Variants in BMAL1 observed in about 807,000 individuals in gnomAD.
BMAL1 encodes the protein basic helix-loop-helix ARNT-like protein 1.
chr11:13,304,184 T>G, the BMAL1 span, among the ~76,000 whole-genome samples: 1 of 151,504 alleles, frequency 6.6e-6, no homozygotes, highest in South Asian at 2.1e-4. Flanking sequence ...GTGTTGAGAG[T>G]GGACTGAGGG....
At chr11:13,361,918 A>C in the BMAL1 span, among the ~76,000 whole-genome samples, 1 of 152,238 alleles carries the variant, frequency 6.6e-6, no homozygotes, top group African/African-American at 2.4e-5. Context: ...GAAAGGATAC[A>C]CCTTCCTGAA....
the BMAL1 span, among the ~76,000 whole-genome samples, chr11:13,366,096 T>A: frequency 6.6e-6 from 1 of 152,192 alleles, no homozygotes; most frequent in African/African-American, 2.4e-5. Context: ...TCCCCCAGAG[T>A]TTTTATTCAT....
the BMAL1 span, among the ~76,000 whole-genome samples, chr11:13,284,618 T>C: frequency 6.6e-6 from 1 of 151,388 alleles, no homozygotes; most frequent in Non-Finnish European, 1.5e-5. Flanking sequence ...TTGTCTTTTT[T>C]TTTTGGCGGG....
the BMAL1 span, among the ~76,000 whole-genome samples, chr11:13,315,127 C>T: frequency 6.6e-6 from 1 of 152,140 alleles, no homozygotes; most frequent in Non-Finnish European, 1.5e-5. Flanking sequence ...TTCTCAGCAC[C>T]GAGGTGTCCT....
the BMAL1 span, chr11:13,355,177 A>G: frequency 6.5e-7 from 1 of 1,530,356 alleles, no homozygotes; most frequent in Non-Finnish European, 9.0e-7. Context: ...AATGAGGGAA[A>G]ATCTCCGAGG....
the BMAL1 span, among the ~76,000 whole-genome samples, chr11:13,283,939 A>G: frequency 6.6e-6 from 1 of 150,878 alleles, no homozygotes; most frequent in Non-Finnish European, 1.5e-5. Flanking sequence ...AACATAACTC[A>G]CTAACCCCAC....
At chr11:13,279,893 A>T in the BMAL1 span, among the ~76,000 whole-genome samples, 1 of 152,262 alleles carries the variant, frequency 6.6e-6, no homozygotes. Flanking sequence ...CTGAAGAACG[A>T]ACAGATCTGG....
the BMAL1 span, among the ~76,000 whole-genome samples, chr11:13,367,484 T>A: frequency 6.6e-6 from 1 of 152,218 alleles, no homozygotes; most frequent in Middle Eastern, 3.4e-3. Context: ...GTGGATCTCT[T>A]GAGGTCAGGG....
At chr11:13,313,540 C>T in the BMAL1 span, among the ~76,000 whole-genome samples, 7 of 152,160 alleles carry the variant, frequency 4.6e-5, no homozygotes, top group African/African-American at 1.4e-4. Context: ...ATGAGTCGTC[C>T]TGGCCTTGTC....
the BMAL1 span, chr11:13,376,905 C>T: frequency 3.3e-6 from 2 of 601,350 alleles, no homozygotes; most frequent in African/African-American, 1.9e-5. Context: ...ATGTCACTTT[C>T]TCTGTTGAGC....
the BMAL1 span, among the ~76,000 whole-genome samples, chr11:13,306,587 G>A: frequency 6.6e-6 from 1 of 152,120 alleles, no homozygotes. Context: ...GGCTGCTGGG[G>A]AAAAATCCAG....
the BMAL1 span, among the ~76,000 whole-genome samples, chr11:13,289,851 A>G: frequency 6.6e-6 from 1 of 152,210 alleles, no homozygotes; most frequent in Non-Finnish European, 1.5e-5. Flanking sequence ...ATACATATGC[A>G]TGTGTCTTTA....
At chr11:13,316,403 CAG>C in the BMAL1 span, among the ~76,000 whole-genome samples, 2 of 152,212 alleles carry the variant, frequency 1.3e-5, no homozygotes, top group Admixed American at 1.3e-4. Context: ...CTCCCTCTCT[CAG>C]GGGTCTAACA....
the BMAL1 span, among the ~76,000 whole-genome samples, chr11:13,349,076 T>C: frequency 1.3e-5 from 2 of 152,274 alleles, no homozygotes; most frequent in East Asian, 3.9e-4. Flanking sequence ...ACATGAGTCA[T>C]AGGGTGGAGA....
chr11:13,338,652 T>C, the BMAL1 span, among the ~76,000 whole-genome samples: 3 of 152,210 alleles, frequency 2.0e-5, no homozygotes, highest in African/African-American at 4.8e-5. Flanking sequence ...CAATAGAGCA[T>C]GTGCAGAGTC....
chr11:13,360,322 T>A, the BMAL1 span: 1 of 1,596,416 alleles, frequency 6.3e-7, no homozygotes, highest in Non-Finnish European at 8.6e-7. Context: ...AGTATACCAA[T>A]TCTTTCTCTT....
At chr11:13,373,040 G>T in the BMAL1 span, among the ~76,000 whole-genome samples, 1 of 152,160 alleles carries the variant, frequency 6.6e-6, no homozygotes, top group Non-Finnish European at 1.5e-5. Context: ...CTAGGACTTG[G>T]AAGCAATTAT....
the BMAL1 span, among the ~76,000 whole-genome samples, chr11:13,365,776 A>G: frequency 2.6e-5 from 4 of 152,312 alleles, no homozygotes; most frequent in South Asian, 8.3e-4. Flanking sequence ...TATTCCCCCC[A>G]TTGAAAGATC....
the BMAL1 span, among the ~76,000 whole-genome samples, chr11:13,318,329 T>C: frequency 6.6e-6 from 1 of 152,206 alleles, no homozygotes; most frequent in Non-Finnish European, 1.5e-5. Context: ...TTAGGCTCTT[T>C]TGGATTTAAT....
Sources: allele counts gnomAD v4.1 joint callset (sites outside exome capture counted in the v4.1 genomes callset), GRCh38; gene constraint gnomAD v4.1.1; transcripts MANE v1.5; gene names NCBI Gene and HGNC (gene_info 2026-07-23, HGNC 2026-07-21).